ERCC4: variants seen among roughly 807,000 people sequenced by gnomAD.
ERCC4 encodes ERCC excision repair 4, endonuclease catalytic subunit, also known as DNA repair endonuclease XPF.
In ERCC4, 65 loss-of-function variants were observed where a neutral mutation model predicts 76.9. The ratio of observed to expected loss-of-function variants is 0.84; its 90% CI spans 0.69 to 1.04. The LOEUF is 1.04. Ranked by LOEUF, ERCC4 falls within the 50% of genes least tolerant of loss-of-function variation. The pLI, the probability that ERCC4 is intolerant of heterozygous loss-of-function variation, is 0.00. For synonymous variants in ERCC4, 463 were observed against 410.1 expected (o/e 1.13, Z -1.56); for missense variants, 1,214 against 1,128.2 (o/e 1.08, Z -1.09).
intron 10 of ERCC4, among the ~76,000 whole-genome samples, chr16:13,946,296 C>A (rs3136213): frequency 6.6e-6 from 1 of 152,106 alleles, no homozygotes; most frequent in Non-Finnish European, 1.5e-5. Flanking sequence ...CATCACAGAA[C>A]GTGCTTACAC....
chr16:13,932,035 C>T (rs3136120), intron 5 of ERCC4, 122 bp from the exon 6 acceptor site: 13 of 841,474 alleles, frequency 1.5e-5, no homozygotes, highest in Admixed American at 3.5e-5. Context: ...TAGTGGGAGG[C>T]GGTGTGGTTG....
intron 9 of ERCC4, among the ~76,000 whole-genome samples, chr16:13,938,744 T>C (rs551850163): frequency 5.3e-4 from 80 of 152,330 alleles, no homozygotes; most frequent in African/African-American, 1.9e-3. Context: ...GTAGTCAACC[T>C]GCGAGGACTG....
chr16:13,942,704 C>A (rs954089826), intron 9 of ERCC4, among the ~76,000 whole-genome samples: 3 of 152,188 alleles, frequency 2.0e-5, no homozygotes, highest in Admixed American at 6.5e-5. Flanking sequence ...CAGATCCACA[C>A]ACTTTGGAAC....
chr16:13,941,172 T>C (rs982939160), intron 9 of ERCC4, among the ~76,000 whole-genome samples: 3 of 152,328 alleles, frequency 2.0e-5, no homozygotes, highest in Middle Eastern at 3.4e-3. Context: ...AGAACCTGGA[T>C]CATGGACTCT....
At position 13,921,379 on chromosome 16, in the gene ERCC4, G is replaced by A. The variant is rs1243164868; in HGVS notation, c.208-652G>A. ...TGTTGAGAGGGGACACAGCTTGGTC[G>A]GACAAGTCTGATGATCCCCTAGATA... On this transcript the variant is annotated intron_variant, in intron 1 of 10. Coordinates refer to ENST00000311895, the MANE Select transcript of ERCC4 (RefSeq NM_005236.3). Among the ~76,000 whole-genome samples the A allele has an allele frequency of 2.0e-5, 3 of 152,120 alleles. No homozygotes were observed. In the South Asian group the frequency reaches 6.2e-4, roughly 31 times the overall value.
At chr16:13,930,956 GAA>G in intron 5 of ERCC4, 66 bp downstream of exon 5, 1 of 1,140,726 alleles carries the variant, frequency 8.8e-7, no homozygotes, top group Admixed American at 1.7e-5. Context: ...GTTTTAGGGG[GAA>G]TCAGGTGTGA....
intron 8 of ERCC4, among the ~76,000 whole-genome samples, chr16:13,936,986 A>G (rs1769668181): frequency 6.9e-6 from 1 of 145,096 alleles, no homozygotes; most frequent in Non-Finnish European, 1.5e-5. Context: ...ATCATGGCTC[A>G]CTGCAGCCTC....
At position 13,932,228 on chromosome 16, in the gene ERCC4, G is replaced by A. The variant is rs201410515; in HGVS notation, c.1045G>A (p.Ala349Thr). The A allele has an allele frequency of 3.1e-6, 5 of 1,611,884 alleles. No homozygotes were observed. In the East Asian group the frequency reaches 1.1e-4, roughly 36 times the overall value. Residue 349 changes from alanine (A) to threonine (T), a missense_variant, in exon 6 of 11, where the codon GCC becomes ACC. Coordinates refer to ENST00000311895, the MANE Select transcript of ERCC4 (RefSeq NM_005236.3). Reference sequence around the variant, plus strand: ...AGCAAGGGTTTATCATCTTCCAGATGCCAAAATGAGTAAAAAAGAAAAAAT... The same window carrying A: ...AGCAAGGGTTTATCATCTTCCAGATACCAAAATGAGTAAAAAAGAAAAAAT... ...ARARVYHLPDAKMSKKEKISE... is the reference protein window; with the variant it reads ...ARARVYHLPDTKMSKKEKISE...
intron 9 of ERCC4, chr16:13,944,038 A>G (rs1037442013): frequency 6.5e-6 from 1 of 152,752 alleles, no homozygotes; most frequent in African/African-American, 2.4e-5. Flanking sequence ...GATTATATCC[A>G]AAGTACCTAG....
chr16:13,926,889 C>G (rs1177910256), intron 3 of ERCC4, 133 bp downstream of exon 3: 2 of 740,458 alleles, frequency 2.7e-6, no homozygotes, highest in African/African-American at 3.5e-5. Flanking sequence ...AGAACCTAGT[C>G]AGTTTTATAA....
rs1304744260 is a variant in ERCC4, at chr16:13,920,255, C to T, written c.90C>T (p.Asp30=). The change falls in exon 1 of 11, where the codon GAC becomes GAT. Residue 30 remains aspartate (D), a synonymous_variant. Coordinates refer to ENST00000311895, the MANE Select transcript of ERCC4 (RefSeq NM_005236.3). ...TGGTGCTGGAACTGCTCGACACTGA[C>T]GGGCTAGTAGTGTGCGCCCGCGGGC... The part of the protein sequence containing the change: ...RQLVLELLDT[D]GLVVCARGLG... The T allele has an allele frequency of 3.1e-6, 5 of 1,607,480 alleles. No homozygotes were observed. Among genetic ancestry groups the T allele is most frequent in the Non-Finnish European group, 4.2e-6 (5 of 1,179,902 alleles).
chr16:13,938,912 G>A (rs1216297474), intron 9 of ERCC4, among the ~76,000 whole-genome samples: 1 of 152,194 alleles, frequency 6.6e-6, no homozygotes. Context: ...GGAGTCCCAC[G>A]ATGGGGGTCA....
At position 13,950,197 on chromosome 16, in the gene ERCC4, G is replaced by C; in HGVS notation, c.*1850G>C. On this transcript the variant is annotated 3_prime_UTR_variant, in exon 11 of 11. Coordinates refer to ENST00000311895, the MANE Select transcript of ERCC4 (RefSeq NM_005236.3). ...GCTGGTCTCAAACTACTGACCTCAG[G>C]TGATCCACCCACCTTGGCCTCCCAA... The C allele has an allele frequency of 5.4e-6, 1 of 186,606 alleles. No individual in the cohort carries two copies. The highest frequency in any genetic ancestry group is 8.7e-5 in the East Asian group (1 of 11,524). 11.6% of individuals were successfully genotyped at this position (186,606 alleles called of 1,614,324 possible).
intron 3 of ERCC4, 160 bp from the exon 4 acceptor site, chr16:13,927,868 A>G: frequency 1.6e-6 from 1 of 638,806 alleles, no homozygotes; most frequent in Admixed American, 2.4e-5. Context: ...ATTGAGGTTC[A>G]AAGTGTTTTT....
At chr16:13,940,224 T>C (rs972950067) in intron 9 of ERCC4, among the ~76,000 whole-genome samples, 1 of 151,792 alleles carries the variant, frequency 6.6e-6, no homozygotes, top group Non-Finnish European at 1.5e-5. Flanking sequence ...CTGCCTCTAC[T>C]AAAAATGCAA....
intron 5 of ERCC4, 182 bp downstream of exon 5, chr16:13,931,072 T>C (rs977813047): frequency 4.8e-6 from 3 of 619,806 alleles, no homozygotes; most frequent in Middle Eastern, 4.3e-4. Flanking sequence ...TTCCGCCTAC[T>C]TAACGTCTGT....
chr16:13,937,740 C>T (rs768234339), intron 8 of ERCC4, 26 bp from the exon 9 acceptor site: 52 of 1,495,228 alleles, frequency 3.5e-5, no homozygotes, highest in Non-Finnish European at 4.9e-5. Flanking sequence ...GTTTTTCCAA[C>T]CTAAAAGTTC....
Position 13,948,086 on chromosome 16 carries a change from C to A in ERCC4, c.2490C>A (p.Ala830=). 6.2e-7 allele frequency: 1 copy of A among 1,614,154 alleles called. No individual in the cohort carries two copies. The highest frequency in any genetic ancestry group is 8.5e-7 in the Non-Finnish European group (1 of 1,180,030). ...KPQPDAATAL[A]ITADSETLPE... ...AGCCTGATGCGGCGACAGCACTGGC[C>A]ATTACAGCAGATTCTGAAACCCTTC... The change falls in exon 11 of 11, where the codon GCC becomes GCA. Residue 830 remains alanine, a synonymous_variant. Transcript: ENST00000311895.
rs147105770 is a variant in ERCC4, at chr16:13,935,697, C to T, written c.1765C>T (p.Arg589Trp). The change falls in exon 8 of 11, where the codon CGG becomes TGG. Residue 589 changes from arginine to tryptophan, a missense_variant. Transcript: ENST00000311895. The stretch of plus-strand genomic sequence containing the variant: ...TTATGACGCAGAGCTAACCTTTGTT[C>T]GGCAGCTTGAAATTTACAGGGCGAG... ...VLYDAELTFV[R>W]QLEIYRASRP... is the part of the protein sequence containing the mutation. 1.3e-4 allele frequency: 209 copies of T among 1,613,958 alleles called. No individual in the cohort carries two copies. The highest frequency in any genetic ancestry group is 1.7e-4 in the Admixed American group (10 of 59,982).
Sources: allele counts gnomAD v4.1 joint callset (sites outside exome capture counted in the v4.1 genomes callset), GRCh38; gene constraint gnomAD v4.1.1; transcripts MANE v1.5; gene names NCBI Gene and HGNC (gene_info 2026-07-23, HGNC 2026-07-21).